Variants in BNIP5 observed in about 807,000 individuals in gnomAD.
BNIP5 encodes the protein protein BNIP5.
BNIP5 carries 61 observed loss-of-function variants against 67.3 expected under a neutral mutation model. The ratio of observed to expected loss-of-function variants is 0.91; its 90% CI spans 0.74 to 1.12. The LOEUF (loss-of-function observed/expected upper bound fraction) is 1.12, where lower values mean the gene tolerates loss of function less well. Ranked by LOEUF, BNIP5 falls within the 50% of genes most tolerant of loss-of-function variation. The pLI is 0.00. For synonymous variants in BNIP5, 317 were observed against 319.0 expected (o/e 0.99, Z 0.07); for missense variants, 826 against 816.3 (o/e 1.01, Z -0.14).
chr6:36,333,035 C>A (rs563256892), intron 1 of BNIP5, among the ~76,000 whole-genome samples: 1 of 152,146 alleles, frequency 6.6e-6, no homozygotes, highest in African/African-American at 2.4e-5. Flanking sequence ...AGCTTAGAGG[C>A]AAAAATAAGA....
At chr6:36,324,060 G>A in intron 7 of BNIP5, 69 bp downstream of exon 7, 2 of 1,146,826 alleles carry the variant, frequency 1.7e-6, no homozygotes, top group East Asian at 2.3e-5. Context: ...AGACAGGGAA[G>A]TTGTTACACC....
intron 11 of BNIP5, among the ~76,000 whole-genome samples, chr6:36,318,613 T>A (rs1183768703): frequency 6.6e-6 from 1 of 151,710 alleles, no homozygotes; most frequent in Non-Finnish European, 1.5e-5. Context: ...TCCCAGCTAC[T>A]TGAGAGGCTG....
chr6:36,326,583 G>C lies in BNIP5; in HGVS notation c.963C>G (p.Ala321=). 1 of 1,614,252 alleles carries C rather than the reference G, an allele frequency of 6.2e-7. No homozygotes were observed. The highest frequency in any genetic ancestry group is 1.1e-5 in the South Asian group (1 of 91,092). Residue 321 remains alanine, a synonymous_variant, in exon 5 of 12, where the codon GCC becomes GCG. Transcript: ENST00000437635. The part of the protein sequence containing the change: ...RGAADVSSPE[A]WPPKKSSFLP... The stretch of plus-strand genomic sequence containing the variant: ...GAAAGCTGGACTTCTTGGGTGGCCA[G>C]GCCTCTGGACTGGAAACATCTGCAG...
intron 1 of BNIP5, among the ~76,000 whole-genome samples, chr6:36,331,628 T>C (rs1771909170): frequency 6.6e-6 from 1 of 152,208 alleles, no homozygotes. Context: ...GCAACTCTTT[T>C]CTTCCAACTG....
chr6:36,322,517 C>G (rs1771659691), intron 8 of BNIP5, 75 bp from the exon 9 acceptor site: 1 of 1,510,958 alleles, frequency 6.6e-7, no homozygotes. Context: ...TGTTCGGAGG[C>G]ACAGGCATAA....
At chr6:36,330,789 A>T (rs1165627942) in intron 1 of BNIP5, 95 bp from the exon 2 acceptor site, 24 of 1,446,314 alleles carry the variant, frequency 1.7e-5, no homozygotes, top group Non-Finnish European at 2.0e-5. Context: ...TTTATGACGG[A>T]GCCTCGGTCT....
intron 1 of BNIP5, among the ~76,000 whole-genome samples, chr6:36,335,991 TCA>T: frequency 1.3e-5 from 2 of 151,990 alleles, no homozygotes; most frequent in Non-Finnish European, 2.9e-5. Flanking sequence ...GCACATGGAG[TCA>T]CACAATCACG....
intron 11 of BNIP5, 131 bp downstream of exon 11, chr6:36,319,225 T>A: frequency 9.2e-7 from 1 of 1,087,888 alleles, no homozygotes; most frequent in Non-Finnish European, 1.3e-6. Flanking sequence ...GAGGTGACAT[T>A]TGAGATAGAC....
intron 1 of BNIP5, among the ~76,000 whole-genome samples, chr6:36,336,018 G>A (rs1228207579): frequency 1.3e-5 from 2 of 152,104 alleles, no homozygotes; most frequent in African/African-American, 2.4e-5. Context: ...CCTAGGTATA[G>A]ACACCCATGC....
chr6:36,325,483 G>A, intron 5 of BNIP5, 69 bp from the exon 6 acceptor site: 2 of 1,526,620 alleles, frequency 1.3e-6, no homozygotes. Context: ...ACAGAAGCTA[G>A]CACAAACTAA....
At chr6:36,330,718 C>T in intron 1 of BNIP5, 24 bp from the exon 2 acceptor site, 1 of 1,522,828 alleles carries the variant, frequency 6.6e-7, no homozygotes, top group Non-Finnish European at 8.7e-7. Context: ...ACACAGCTCC[C>T]TTAGTTTTTT....
At chr6:36,317,821 T>C (rs1771553209) in intron 11 of BNIP5, among the ~76,000 whole-genome samples, 1 of 152,136 alleles carries the variant, frequency 6.6e-6, no homozygotes, top group Non-Finnish European at 1.5e-5. Context: ...AATGAATGAA[T>C]GAATGAATGA....
intron 2 of BNIP5, 90 bp from the exon 3 acceptor site, chr6:36,328,804 A>G: frequency 1.2e-6 from 1 of 840,180 alleles, no homozygotes; most frequent in Non-Finnish European, 2.1e-6. Flanking sequence ...AACACGAGAA[A>G]ACAGCACAGA....
intron 10 of BNIP5, among the ~76,000 whole-genome samples, chr6:36,320,146 A>C (rs542591939): frequency 7.2e-5 from 11 of 152,242 alleles, no homozygotes; most frequent in Admixed American, 3.9e-4. Flanking sequence ...AGCCTCCTCC[A>C]ACAAGCTCCT....
At chr6:36,319,699 G>T in intron 10 of BNIP5, 89 bp from the exon 11 acceptor site, 3 of 1,478,446 alleles carry the variant, frequency 2.0e-6, no homozygotes, top group Non-Finnish European at 2.8e-6. Flanking sequence ...GCAGCCAGGC[G>T]GGGCACTCCT....
intron 3 of BNIP5, 98 bp from the exon 4 acceptor site, chr6:36,327,192 G>T: frequency 9.4e-7 from 1 of 1,063,152 alleles, no homozygotes; most frequent in Non-Finnish European, 1.4e-6. Context: ...AACTCTTTAG[G>T]CCACACAATG....
Position 36,336,504 on chromosome 6 carries a change from T to C in BNIP5, c.-5+208A>G, listed in dbSNP as rs114049130. On this transcript the variant is annotated intron_variant, in intron 1 of 11. Transcript: ENST00000437635. ...TTTGAGAAACACCCCGTTGAGATAA[T>C]GTCATTGAACCTTGCTCCCTCTTTT... Among the ~76,000 whole-genome samples, 968 of 152,218 alleles carry C rather than the reference T, an allele frequency of 6.4e-3. 15 individuals carry two copies. Among genetic ancestry groups the C allele is most frequent in the African/African-American group, 0.022 (896 of 41,536 alleles).
rs74482261 is a variant in BNIP5 at position 36,330,296 on chromosome 6, T to C, written c.395A>G (p.His132Arg). The change falls in exon 2 of 12, where the codon CAT (histidine) becomes CGT (arginine). Residue 132 changes from histidine (H) to arginine (R), a missense_variant. Coordinates refer to ENST00000437635, the MANE Select transcript of BNIP5 (RefSeq NM_001010903.5). Reference sequence around the variant, plus strand: ...CCCTGCTGCTTCCAGGGGCTCCGGATGCTGGGAGATACCCTCCTTCCCCCT... The same window carrying C: ...CCCTGCTGCTTCCAGGGGCTCCGGACGCTGGGAGATACCCTCCTTCCCCCT... ...RPRGKEGISQ[H>R]PEPLEAAGEP... 1.0e-4 allele frequency: 163 copies of C among 1,614,186 alleles called. No homozygotes were observed. The African/African-American group carries it at 1.8e-3, about 18-fold the overall frequency.
At chr6:36,329,945 G>A (rs1771849034) in intron 2 of BNIP5, 136 bp downstream of exon 2, 2 of 851,460 alleles carry the variant, frequency 2.3e-6, no homozygotes, top group Admixed American at 2.5e-5. Context: ...AGGGAGGGAG[G>A]AAGGAAGGAA....
Sources: gnomAD v4.1 joint callset for allele counts (sites outside exome capture counted in the v4.1 genomes callset) on GRCh38, gnomAD v4.1.1 for gene constraint, MANE v1.5 for transcripts, NCBI Gene and HGNC (gene_info 2026-07-23, HGNC 2026-07-21) for gene names.